PABPC4L: variants seen among roughly 807,000 people sequenced by gnomAD.
The protein encoded by PABPC4L is poly(A) binding protein cytoplasmic 4 like, also known as polyadenylate-binding protein 4-like.
For synonymous variants in PABPC4L, 169 were observed against 164.1 expected (o/e 1.03, Z -0.23); for missense variants, 452 against 451.4 (o/e 1.00, Z -0.01).
the PABPC4L span, among the ~76,000 whole-genome samples, chr4:134,087,488 T>A: frequency 1.3e-5 from 2 of 152,084 alleles, no homozygotes; most frequent in Non-Finnish European, 2.9e-5. Context: ...CATAGGGCAA[T>A]TATAAAGGTT....
At chr4:134,175,871 C>G in the PABPC4L span, among the ~76,000 whole-genome samples, 1 of 151,938 alleles carries the variant, frequency 6.6e-6, no homozygotes, top group Non-Finnish European at 1.5e-5. Context: ...GAGCATATAA[C>G]AAATAGAAGA....
chr4:134,069,208 T>C, the PABPC4L span, among the ~76,000 whole-genome samples: 3 of 152,196 alleles, frequency 2.0e-5, no homozygotes, highest in African/African-American at 7.2e-5. Context: ...CCTGTTAAGT[T>C]TCCCTCTATA....
At chr4:134,131,202 C>T in the PABPC4L span, among the ~76,000 whole-genome samples, 1 of 151,944 alleles carries the variant, frequency 6.6e-6, no homozygotes, top group Non-Finnish European at 1.5e-5. Context: ...GGCAATCAGA[C>T]AGGAAAAATA....
At chr4:134,113,272 C>T in the PABPC4L span, among the ~76,000 whole-genome samples, 2 of 151,832 alleles carry the variant, frequency 1.3e-5, no homozygotes, top group African/African-American at 4.8e-5. Flanking sequence ...CAATAATGTC[C>T]TAGACCCTCA....
chr4:133,953,981 T>C, the PABPC4L span, among the ~76,000 whole-genome samples: 2 of 152,222 alleles, frequency 1.3e-5, no homozygotes, highest in Non-Finnish European at 1.5e-5. Flanking sequence ...AAAGGCACAC[T>C]CACAAATGCA....
At chr4:134,044,971 T>G in the PABPC4L span, among the ~76,000 whole-genome samples, 1 of 152,174 alleles carries the variant, frequency 6.6e-6, no homozygotes, top group East Asian at 1.9e-4. Flanking sequence ...TCAAATCAAA[T>G]ATTTGCCTAA....
the PABPC4L span, among the ~76,000 whole-genome samples, chr4:134,097,979 G>C: frequency 6.6e-6 from 1 of 151,616 alleles, no homozygotes; most frequent in African/African-American, 2.4e-5. Flanking sequence ...ATAGGGAAAG[G>C]TTCAGAAATG....
chr4:134,058,185 G>A, the PABPC4L span, among the ~76,000 whole-genome samples: 1 of 151,710 alleles, frequency 6.6e-6, no homozygotes, highest in Non-Finnish European at 1.5e-5. Context: ...TACTTAAAAA[G>A]TATTTGGAAA....
chr4:134,142,326 T>C, the PABPC4L span, among the ~76,000 whole-genome samples: 7 of 151,636 alleles, frequency 4.6e-5, no homozygotes, highest in Admixed American at 4.0e-4. Flanking sequence ...AGGATTGTCA[T>C]CCAGCAGATG....
chr4:134,190,732 AC>A, the PABPC4L span, among the ~76,000 whole-genome samples: 23 of 152,028 alleles, frequency 1.5e-4, 1 homozygote, highest in African/African-American at 4.8e-5. Flanking sequence ...GCTCACTGCA[AC>A]CTTTGCCTTC....
chr4:134,187,599 ACT>A, the PABPC4L span, among the ~76,000 whole-genome samples: 4 of 149,618 alleles, frequency 2.7e-5, no homozygotes, highest in South Asian at 2.1e-4. Context: ...TGTAAATGAC[ACT>A]CTGTTTTCAG....
At chr4:134,008,791 G>A in the PABPC4L span, among the ~76,000 whole-genome samples, 1 of 151,696 alleles carries the variant, frequency 6.6e-6, no homozygotes, top group African/African-American at 2.4e-5. Flanking sequence ...ATGTAGGATG[G>A]TTGAGGAAAT....
chr4:133,989,118 C>T, the PABPC4L span, among the ~76,000 whole-genome samples: 1 of 152,050 alleles, frequency 6.6e-6, no homozygotes, highest in African/African-American at 2.4e-5. Context: ...TTTTTTTCCT[C>T]CTAGGCCTCT....
At chr4:134,187,120 C>T in the PABPC4L span, among the ~76,000 whole-genome samples, 4 of 151,886 alleles carry the variant, frequency 2.6e-5, no homozygotes, top group East Asian at 3.9e-4. Flanking sequence ...TCAACCATTG[C>T]GGAAGACAGT....
chr4:134,200,592 TGCACAAATGCATA>T lies in PABPC4L; in HGVS notation c.415_427del (p.Tyr139ThrfsTer15). ...GTCTGCAGCACTCTGGTTCTGAAAG[TGCACAAATGCATA>T]GCCCTTGGAGCCTTGATCATCACTC... On this transcript the variant is annotated frameshift_variant, in exon 2 of 2. Transcript: ENST00000421491. LOFTEE classifies it low-confidence loss of function (END_TRUNC). 1 of 1,551,686 alleles carries T rather than the reference TGCACAAATGCATA, an allele frequency of 6.4e-7. No homozygotes were observed. The highest frequency in any genetic ancestry group is 8.7e-7 in the Non-Finnish European group (1 of 1,146,970).
the PABPC4L span, among the ~76,000 whole-genome samples, chr4:134,072,559 A>G: frequency 6.6e-6 from 1 of 152,206 alleles, no homozygotes; most frequent in Non-Finnish European, 1.5e-5. Flanking sequence ...TAAAAGCAAG[A>G]GTTTAGGAAC....
the PABPC4L span, among the ~76,000 whole-genome samples, chr4:134,012,214 T>A: frequency 6.6e-6 from 1 of 152,134 alleles, no homozygotes; most frequent in Admixed American, 6.6e-5. Context: ...TTCAATGGTG[T>A]CAGGCCTCTG....
the PABPC4L span, among the ~76,000 whole-genome samples, chr4:134,115,726 T>C: frequency 6.6e-6 from 1 of 151,764 alleles, no homozygotes; most frequent in Non-Finnish European, 1.5e-5. Flanking sequence ...ATTAGTATGG[T>C]GATACTACAT....
At chr4:134,048,476 C>A in the PABPC4L span, among the ~76,000 whole-genome samples, 2 of 152,178 alleles carry the variant, frequency 1.3e-5, no homozygotes, top group Non-Finnish European at 2.9e-5. Context: ...GTAATTAAAG[C>A]AATTACTGAG....
Sources: gnomAD v4.1 joint callset for allele counts (sites outside exome capture counted in the v4.1 genomes callset) on GRCh38, gnomAD v4.1.1 for gene constraint, MANE v1.5 for transcripts, NCBI Gene and HGNC (gene_info 2026-07-23, HGNC 2026-07-21) for gene names.